QTMAN: variants seen among roughly 807,000 people sequenced by gnomAD.
QTMAN encodes queuosine-tRNA mannosyltransferase.
chr2:144,277,954 C>T, the QTMAN span, among the ~76,000 whole-genome samples: 1 of 152,112 alleles, frequency 6.6e-6, no homozygotes, highest in East Asian at 1.9e-4. Flanking sequence ...CCTGAGTTTC[C>T]CAAGGAGAAG....
the QTMAN span, among the ~76,000 whole-genome samples, chr2:144,273,216 A>G: frequency 1.3e-5 from 2 of 152,200 alleles, no homozygotes; most frequent in Non-Finnish European, 2.9e-5. Flanking sequence ...GCTAAAAAAA[A>G]AAAGTCTGTA....
chr2:143,949,591 CAT>C, the QTMAN span, among the ~76,000 whole-genome samples: 1 of 151,814 alleles, frequency 6.6e-6, no homozygotes, highest in Non-Finnish European at 1.5e-5. Flanking sequence ...ATCTTAGAAG[CAT>C]ATGTTTTATA....
chr2:143,939,408 G>C, the QTMAN span: 1 of 152,138 alleles, frequency 6.6e-6, no homozygotes, highest in African/African-American at 2.4e-5. Context: ...GCAATAACTA[G>C]CTCCCAAGTC....
the QTMAN span, among the ~76,000 whole-genome samples, chr2:143,993,832 T>C: frequency 2.0e-5 from 3 of 152,226 alleles, no homozygotes; most frequent in Admixed American, 1.3e-4. Context: ...AGGTAATAAT[T>C]TGGAGCTGAA....
chr2:144,008,385 A>C, the QTMAN span, among the ~76,000 whole-genome samples: 1 of 152,076 alleles, frequency 6.6e-6, no homozygotes, highest in African/African-American at 2.4e-5. Context: ...AGGCTTAAAG[A>C]AGGCTTTAGG....
chr2:144,106,383 T>A, the QTMAN span, among the ~76,000 whole-genome samples: 10 of 152,246 alleles, frequency 6.6e-5, no homozygotes, highest in East Asian at 1.7e-3. Context: ...GAGACACACA[T>A]AGGCTCAAAA....
the QTMAN span, among the ~76,000 whole-genome samples, chr2:144,032,019 A>C: frequency 6.6e-6 from 1 of 152,044 alleles, no homozygotes; most frequent in Non-Finnish European, 1.5e-5. Flanking sequence ...TCCTGACCTC[A>C]TGATCTGCCC....
At chr2:144,102,646 A>C in the QTMAN span, among the ~76,000 whole-genome samples, 2 of 152,196 alleles carry the variant, frequency 1.3e-5, no homozygotes, top group African/African-American at 4.8e-5. Flanking sequence ...ATTCATTTTA[A>C]GGACTGTACA....
the QTMAN span, among the ~76,000 whole-genome samples, chr2:144,022,450 C>G: frequency 1.3e-4 from 20 of 151,666 alleles, no homozygotes; most frequent in Non-Finnish European, 2.4e-4. Context: ...CCACTATGCC[C>G]AACATCTTTC....
chr2:144,052,928 C>T, the QTMAN span, among the ~76,000 whole-genome samples: 5 of 152,124 alleles, frequency 3.3e-5, no homozygotes, highest in Non-Finnish European at 5.9e-5. Flanking sequence ...GGATTACAGG[C>T]GTGAGCCACC....
chr2:144,251,846 A>T, the QTMAN span, among the ~76,000 whole-genome samples: 12 of 152,214 alleles, frequency 7.9e-5, no homozygotes, highest in African/African-American at 2.4e-4. Context: ...AAGGACTGTT[A>T]GCTAAAATAT....
the QTMAN span, among the ~76,000 whole-genome samples, chr2:144,028,634 T>C: frequency 2.8e-3 from 421 of 152,298 alleles, 3 homozygotes; most frequent in African/African-American, 9.7e-3. Context: ...AATCCAATTT[T>C]CCTGGATTAC....
At chr2:144,176,957 C>T in the QTMAN span, among the ~76,000 whole-genome samples, 1 of 152,076 alleles carries the variant, frequency 6.6e-6, no homozygotes, top group African/African-American at 2.4e-5. Context: ...TTACAATCAC[C>T]GCAGACGGTA....
chr2:144,072,691 G>C, the QTMAN span, among the ~76,000 whole-genome samples: 4 of 152,198 alleles, frequency 2.6e-5, no homozygotes, highest in East Asian at 1.9e-4. Flanking sequence ...AGACAACAGA[G>C]AGCCAGGCCA....
the QTMAN span, among the ~76,000 whole-genome samples, chr2:144,119,095 CAGAT>C: frequency 6.6e-6 from 1 of 151,880 alleles, no homozygotes; most frequent in African/African-American, 2.4e-5. Flanking sequence ...GGCAAGAGAC[CAGAT>C]AGATGAATAG....
the QTMAN span, among the ~76,000 whole-genome samples, chr2:144,116,980 T>C: frequency 5.3e-5 from 8 of 152,302 alleles, 1 homozygote; most frequent in African/African-American, 1.7e-4. Context: ...CACTCTAGAA[T>C]AGTTTTCAAG....
At chr2:143,956,436 T>C in the QTMAN span, among the ~76,000 whole-genome samples, 1 of 152,148 alleles carries the variant, frequency 6.6e-6, no homozygotes, top group African/African-American at 2.4e-5. Context: ...TGTATATGTA[T>C]ATTATATGCT....
At chr2:144,125,086 G>C in the QTMAN span, among the ~76,000 whole-genome samples, 1 of 152,060 alleles carries the variant, frequency 6.6e-6, no homozygotes, top group Non-Finnish European at 1.5e-5. Flanking sequence ...GCCCATGGCA[G>C]ACATTACTAA....
chr2:144,085,971 T>C, the QTMAN span, among the ~76,000 whole-genome samples: 1 of 152,220 alleles, frequency 6.6e-6, no homozygotes, highest in Non-Finnish European at 1.5e-5. Flanking sequence ...CTCAAATTCA[T>C]TGACTTGAGA....
Sources: allele counts gnomAD v4.1 joint callset (sites outside exome capture counted in the v4.1 genomes callset), GRCh38; gene constraint gnomAD v4.1.1; transcripts MANE v1.5; gene names NCBI Gene and HGNC (gene_info 2026-07-23, HGNC 2026-07-21).